RSRC1: variants seen among roughly 807,000 people sequenced by gnomAD.
RSRC1 encodes arginine and serine rich coiled-coil 1, also known as serine/Arginine-related protein 53.
A neutral mutation model predicts 49.1 loss-of-function variants in RSRC1; 39 were observed. The ratio of observed to expected loss-of-function variants is 0.79; its 90% confidence interval spans 0.61 to 1.04. The LOEUF (loss-of-function observed/expected upper bound fraction) is 1.04, where lower values mean the gene tolerates loss of function less well. Ranked by LOEUF, RSRC1 falls within the 50% of genes least tolerant of loss-of-function variation. The pLI is 0.00. For missense variants in RSRC1, 388 were observed against 402.4 expected, an observed-to-expected ratio of 0.96 and a Z score of 0.31; for synonymous variants, 143 against 130.8, an observed-to-expected ratio of 1.09 and a Z score of -0.63.
rs9878003 is a variant in RSRC1 at position 158,155,804 on chromosome 3, C to G, written c.320+31813C>G. On this transcript the variant is annotated intron_variant, in intron 3 of 9. Transcript: ENST00000611884. ...GTCTCAACAGTGAGCTTAAAACATT[C>G]AGCAAACCATGTTGTAAACTTACAT... 1.6e-3 allele frequency among the ~76,000 whole-genome samples: 237 copies of G among 152,228 alleles called. 1 individual carries two copies. The highest frequency in any genetic ancestry group is 3.4e-3 in the Middle Eastern group (1 of 294).
chr3:158,224,663 T>C (rs1398041787), intron 4 of RSRC1, among the ~76,000 whole-genome samples: 1 of 151,584 alleles, frequency 6.6e-6, no homozygotes, highest in Non-Finnish European at 1.5e-5. Flanking sequence ...AGAATTGGAG[T>C]CTTTTCCTCC....
intron 3 of RSRC1, among the ~76,000 whole-genome samples, chr3:158,177,765 A>T (rs978117993): frequency 6.6e-6 from 1 of 152,218 alleles, no homozygotes; most frequent in Non-Finnish European, 1.5e-5. Flanking sequence ...CACTCTGCAC[A>T]TGTACCCTAG....
chr3:158,408,231 C>T (rs944803512), intron 6 of RSRC1, among the ~76,000 whole-genome samples: 1 of 152,186 alleles, frequency 6.6e-6, no homozygotes, highest in African/African-American at 2.4e-5. Context: ...AACCTTCTAA[C>T]TGATGTATTT....
chr3:158,230,217 ATTTC>A lies in RSRC1; in HGVS notation c.494+26984_494+26987del, dbSNP rs1280555064. ...CTTCATGATTGGAATCAGGTTGTGT[ATTTC>A]TTTCTTTCTTTTTTGCCAGGAATAC... is the stretch of plus-strand genomic sequence containing the variant. On this transcript the variant is annotated intron_variant, in intron 4 of 9. Coordinates refer to ENST00000611884, the MANE Select transcript of RSRC1 (RefSeq NM_001271838.2). 6.6e-5 allele frequency among the ~76,000 whole-genome samples: 10 copies of A among 152,000 alleles called. 1 individual carries two copies. Among genetic ancestry groups the A allele is most frequent in the South Asian group, 2.1e-4 (1 of 4,820 alleles).
chr3:158,144,712 T>C (rs1257688585), intron 3 of RSRC1, among the ~76,000 whole-genome samples: 1 of 152,214 alleles, frequency 6.6e-6, no homozygotes, highest in African/African-American at 2.4e-5. Flanking sequence ...ATCGCCACAC[T>C]GACTTCCACA....
intron 5 of RSRC1, among the ~76,000 whole-genome samples, chr3:158,300,527 G>T (rs1212039759): frequency 6.6e-6 from 1 of 152,138 alleles, no homozygotes; most frequent in Non-Finnish European, 1.5e-5. Flanking sequence ...GCATCTGTGG[G>T]CACCTGAGGT....
chr3:158,168,933 A>G (rs1718694875), intron 3 of RSRC1, among the ~76,000 whole-genome samples: 1 of 152,140 alleles, frequency 6.6e-6, no homozygotes, highest in Admixed American at 6.5e-5. Flanking sequence ...AGGGGACCCC[A>G]GAGAAGCTTT....
chr3:158,274,488 A>G (rs1852285), intron 4 of RSRC1, among the ~76,000 whole-genome samples: 72,221 of 151,728 alleles, frequency 0.48, 17,746 homozygotes, highest in East Asian at 0.64. Flanking sequence ...TTAGGTCTCA[A>G]GAACTTTTAT....
intron 5 of RSRC1, among the ~76,000 whole-genome samples, chr3:158,352,319 A>G (rs1730923395): frequency 6.6e-6 from 1 of 152,172 alleles, no homozygotes; most frequent in Admixed American, 6.5e-5. Flanking sequence ...TAGTGACTAT[A>G]TCTTCAAGAT....
intron 5 of RSRC1, among the ~76,000 whole-genome samples, chr3:158,323,778 T>C (rs1253513800): frequency 6.6e-6 from 1 of 152,240 alleles, no homozygotes; most frequent in African/African-American, 2.4e-5. Flanking sequence ...CTGAAGTGAT[T>C]GTTTTTAGTC....
chr3:158,448,345 A>G (rs1394412326), intron 6 of RSRC1, among the ~76,000 whole-genome samples: 2 of 151,860 alleles, frequency 1.3e-5, no homozygotes, highest in Non-Finnish European at 2.9e-5. Context: ...AGTACATGGC[A>G]TCTTAATTAC....
intron 6 of RSRC1, among the ~76,000 whole-genome samples, chr3:158,437,607 C>T (rs1236221671): frequency 1.3e-5 from 2 of 152,122 alleles, no homozygotes; most frequent in Non-Finnish European, 2.9e-5. Context: ...CAATAAAATT[C>T]AACAGCTCTT....
At chr3:158,456,412 C>T (rs150032839) in intron 6 of RSRC1, among the ~76,000 whole-genome samples, 1 of 152,002 alleles carries the variant, frequency 6.6e-6, no homozygotes, top group African/African-American at 2.4e-5. Flanking sequence ...ACTTAAGTGC[C>T]TGGGAGACTA....
Position 158,501,633 on chromosome 3 carries a change from C to T in RSRC1, c.653-35459C>T, listed in dbSNP as rs186861170. Reference sequence around the variant, plus strand: ...CTTCGTCTTTTTTTAACTGCTGTTGCTTTAAAGTTTCTTTTGTCTGATATA... The same window carrying T: ...CTTCGTCTTTTTTTAACTGCTGTTGTTTTAAAGTTTCTTTTGTCTGATATA... On this transcript the variant is annotated intron_variant, in intron 7 of 9. Transcript: ENST00000611884. 4.6e-5 allele frequency among the ~76,000 whole-genome samples: 7 copies of T among 152,162 alleles called. No homozygotes were observed. The East Asian group carries it at 1.4e-3, about 29-fold the overall frequency.
intron 5 of RSRC1, among the ~76,000 whole-genome samples, chr3:158,324,557 T>A (rs1319294393): frequency 2.0e-5 from 3 of 152,182 alleles, no homozygotes; most frequent in Non-Finnish European, 4.4e-5. Context: ...ACAAAGGACA[T>A]GAACTCTTCC....
chr3:158,237,210 C>G (rs1292351099), intron 4 of RSRC1, among the ~76,000 whole-genome samples: 1 of 152,158 alleles, frequency 6.6e-6, no homozygotes, highest in Non-Finnish European at 1.5e-5. Context: ...CTGTCTTATA[C>G]AAGTCTTTGC....
chr3:158,135,048 C>A (rs1716280700), intron 3 of RSRC1, among the ~76,000 whole-genome samples: 1 of 151,998 alleles, frequency 6.6e-6, no homozygotes. Context: ...GTGCATAATA[C>A]CCCTAAATTC....
chr3:158,198,561 G>T (rs1406354509), intron 3 of RSRC1, among the ~76,000 whole-genome samples: 2 of 152,160 alleles, frequency 1.3e-5, no homozygotes, highest in Admixed American at 6.5e-5. Flanking sequence ...TTGCTCGTTA[G>T]TTGATGCATT....
Position 158,117,789 on chromosome 3 carries a change from GC to G in RSRC1, c.-2-4313del, listed in dbSNP as rs766628485. On this transcript the variant is annotated intron_variant, in intron 1 of 9. Coordinates refer to ENST00000611884, the MANE Select transcript of RSRC1 (RefSeq NM_001271838.2). ...CTACCGGCTTATGCCATTATGCTGA[GC>G]TTTTCTATTCTTTTTTTTTTATAGA... Among the ~76,000 whole-genome samples the G allele has an allele frequency of 1.4e-3, 213 of 152,166 alleles. 1 individual carries two copies. The highest frequency in any genetic ancestry group is 2.1e-3 in the Non-Finnish European group (145 of 67,986).
Sources: gnomAD v4.1 joint callset for allele counts (sites outside exome capture counted in the v4.1 genomes callset) on GRCh38, gnomAD v4.1.1 for gene constraint, MANE v1.5 for transcripts, NCBI Gene and HGNC (gene_info 2026-07-23, HGNC 2026-07-21) for gene names.